Variants in FBXL17 observed in about 807,000 individuals in gnomAD.
The protein encoded by FBXL17 is F-box and leucine rich repeat protein 17, also known as F-box/LRR-repeat protein 17.
Under a neutral mutation model 66.2 loss-of-function variants are expected in FBXL17, and 22 were observed. The ratio of observed to expected loss-of-function variants is 0.33; its 90% CI spans 0.24 to 0.47. The LOEUF (loss-of-function observed/expected upper bound fraction) is 0.47. Among genes scored for constraint, FBXL17 ranks in the 20% least tolerant of loss-of-function variants. FBXL17 has a pLI of 1.00. For synonymous variants in FBXL17, 474 were observed against 400.5 expected (o/e 1.18, Z -2.19); for missense variants, 878 against 948.2 (o/e 0.93, Z 0.97).
At chr5:108,091,946 T>C (rs978639681) in intron 6 of FBXL17, among the ~76,000 whole-genome samples, 3 of 152,234 alleles carry the variant, frequency 2.0e-5, no homozygotes, top group Non-Finnish European at 4.4e-5. Flanking sequence ...TAAAATAATA[T>C]ATAACAGCAT....
At chr5:107,969,163 A>C (rs1013267980) in intron 7 of FBXL17, among the ~76,000 whole-genome samples, 1 of 152,162 alleles carries the variant, frequency 6.6e-6, no homozygotes, top group African/African-American at 2.4e-5. Flanking sequence ...GGAAAACTTA[A>C]AACATTTACT....
intron 3 of FBXL17, among the ~76,000 whole-genome samples, chr5:108,364,419 T>C (rs1291003041): frequency 6.6e-6 from 1 of 151,972 alleles, no homozygotes; most frequent in Non-Finnish European, 1.5e-5. Context: ...AATGTTAATT[T>C]TTAAAACCTC....
chr5:107,881,266 T>A, intron 7 of FBXL17, 87 bp from the exon 8 acceptor site: 1 of 774,020 alleles, frequency 1.3e-6, no homozygotes, highest in Non-Finnish European at 2.0e-6. Flanking sequence ...ATTTCCTCAC[T>A]AAATTTGTTC....
At chr5:108,256,429 T>C (rs1300286465) in intron 4 of FBXL17, among the ~76,000 whole-genome samples, 1 of 152,130 alleles carries the variant, frequency 6.6e-6, no homozygotes, top group African/African-American at 2.4e-5. Context: ...TCCAAAACGT[T>C]TGTTTAAAAA....
At chr5:108,264,949 T>A (rs58176359) in intron 4 of FBXL17, among the ~76,000 whole-genome samples, 18,437 of 151,744 alleles carry the variant, frequency 0.12, 1,361 homozygotes, top group Admixed American at 0.16. Context: ...AGTTTTTAAA[T>A]TTTTATTGGC....
chr5:107,877,203 C>G (rs910092795), intron 8 of FBXL17, among the ~76,000 whole-genome samples: 1 of 152,214 alleles, frequency 6.6e-6, no homozygotes, highest in African/African-American at 2.4e-5. Context: ...CACTTCCTGA[C>G]TTTACAACTG....
intron 6 of FBXL17, among the ~76,000 whole-genome samples, chr5:108,088,826 A>G (rs1749077160): frequency 6.6e-6 from 1 of 151,912 alleles, no homozygotes; most frequent in Non-Finnish European, 1.5e-5. Flanking sequence ...CATGGCTCTA[A>G]AGCAGCACTT....
intron 7 of FBXL17, among the ~76,000 whole-genome samples, chr5:107,908,755 G>A (rs987804837): frequency 6.6e-6 from 1 of 152,168 alleles, no homozygotes; most frequent in Non-Finnish European, 1.5e-5. Flanking sequence ...ATGAGCATAT[G>A]AGGGAGCCTT....
At chr5:107,899,901 C>T (rs1671957117) in intron 7 of FBXL17, among the ~76,000 whole-genome samples, 1 of 151,978 alleles carries the variant, frequency 6.6e-6, no homozygotes, top group Admixed American at 6.6e-5. Context: ...ACTTCACCAC[C>T]CAGCACATGC....
At chr5:107,903,140 G>GAAGGTAAGC (rs1749631609) in intron 7 of FBXL17, among the ~76,000 whole-genome samples, 1 of 152,000 alleles carries the variant, frequency 6.6e-6, no homozygotes, top group African/African-American at 2.4e-5. Context: ...AAAGACTTCG[G>GAAGGTAAGC]CAACATAACT....
intron 5 of FBXL17, among the ~76,000 whole-genome samples, chr5:108,199,839 A>G (rs1297834614): frequency 6.6e-6 from 1 of 152,192 alleles, no homozygotes; most frequent in Non-Finnish European, 1.5e-5. Flanking sequence ...ATGAAATTAC[A>G]CAAAGGAAAT....
Position 108,111,399 on chromosome 5 carries a change from A to G in FBXL17, c.1745+74718T>C, listed in dbSNP as rs1445863164. 2.0e-5 allele frequency among the ~76,000 whole-genome samples: 3 copies of G among 151,424 alleles called. 1 individual carries two copies. In the South Asian group the frequency reaches 6.3e-4, roughly 32 times the overall value. ...AGTTTTTTGGAATTGTCAATAAATA[A>G]TATTCATGATAGTTCAAACTGAAGT... On this transcript the variant is annotated intron_variant, in intron 6 of 8. Transcript: ENST00000542267.
chr5:108,230,910 C>T (rs1755309061), intron 4 of FBXL17, among the ~76,000 whole-genome samples: 1 of 151,334 alleles, frequency 6.6e-6, no homozygotes, highest in East Asian at 1.9e-4. Context: ...CAAATGTAAC[C>T]AAATATCACC....
chr5:108,221,808 AC>A (rs1244971243), intron 5 of FBXL17, among the ~76,000 whole-genome samples: 5 of 152,164 alleles, frequency 3.3e-5, no homozygotes, highest in Non-Finnish European at 7.4e-5. Context: ...AACTGAGTCT[AC>A]CCTTGGTTTT....
chr5:108,055,608 CAAA>C (rs55653715), intron 6 of FBXL17, among the ~76,000 whole-genome samples: 2 of 51,144 alleles, frequency 3.9e-5, no homozygotes, highest in African/African-American at 5.6e-5. Context: ...GACTCTGTCT[CAAA>C]AAAAAAAAAA....
At chr5:108,079,252 G>C (rs1182599662) in intron 6 of FBXL17, among the ~76,000 whole-genome samples, 1 of 151,740 alleles carries the variant, frequency 6.6e-6, no homozygotes, top group East Asian at 1.9e-4. Flanking sequence ...TTATTAGAAA[G>C]CTAGGTGATT....
chr5:107,958,024 G>A (rs1751731056), intron 7 of FBXL17, among the ~76,000 whole-genome samples: 2 of 151,550 alleles, frequency 1.3e-5, no homozygotes, highest in East Asian at 1.9e-4. Flanking sequence ...TTGTTGACAC[G>A]GCAGAGAAAA....
intron 1 of FBXL17, among the ~76,000 whole-genome samples, chr5:108,368,197 C>A (rs1306508572): frequency 6.6e-6 from 1 of 150,822 alleles, no homozygotes; most frequent in African/African-American, 2.4e-5. Flanking sequence ...TGTACTGACA[C>A]GTGTTCATGC....
chr5:108,188,720 C>A (rs192281618), intron 5 of FBXL17, among the ~76,000 whole-genome samples: 19 of 152,268 alleles, frequency 1.2e-4, no homozygotes, highest in African/African-American at 4.1e-4. Context: ...CCTCAAGGTT[C>A]ACCTTACTGA....
Sources: allele counts gnomAD v4.1 joint callset (sites outside exome capture counted in the v4.1 genomes callset), GRCh38; gene constraint gnomAD v4.1.1; transcripts MANE v1.5; gene names NCBI Gene and HGNC (gene_info 2026-07-23, HGNC 2026-07-21).